Variants in SP140L observed in about 807,000 individuals in gnomAD.
The protein encoded by SP140L is nuclear body protein SP140-like protein.
SP140L carries 64 observed loss-of-function variants against 84.3 expected under a neutral mutation model. The observed-to-expected ratio is 0.76, with a 90% CI of 0.62 to 0.94. SP140L has a LOEUF of 0.94. SP140L is among the 40% of genes least tolerant of loss of function. SP140L has a pLI of 0.00. For missense variants in SP140L, 628 were observed against 692.5 expected, an observed-to-expected ratio of 0.91 and a Z score of 1.05; for synonymous variants, 242 against 236.9, an observed-to-expected ratio of 1.02 and a Z score of -0.20.
intron 5 of SP140L, among the ~76,000 whole-genome samples, chr2:230,365,933 A>T (rs1037226452): frequency 3.3e-5 from 5 of 152,170 alleles, no homozygotes; most frequent in Non-Finnish European, 7.4e-5. Context: ...TTACAAAATT[A>T]AAAAACTCTT....
chr2:230,339,230 T>G (rs988295539), intron 2 of SP140L, among the ~76,000 whole-genome samples: 1 of 151,986 alleles, frequency 6.6e-6, no homozygotes, highest in South Asian at 2.1e-4. Context: ...CTCGGGAGAG[T>G]GTATGTGTCC....
chr2:230,327,414 T>C, intron 1 of SP140L, 113 bp downstream of exon 1: 1 of 1,203,746 alleles, frequency 8.3e-7, no homozygotes, highest in South Asian at 1.4e-5. Context: ...TGCAAGAACA[T>C]AGGTAGGTAG....
At chr2:230,399,869 C>T in intron 14 of SP140L, 1 of 336,794 alleles carries the variant, frequency 3.0e-6, no homozygotes, top group Non-Finnish European at 5.5e-6. Context: ...TGCTTTGTTG[C>T]TAGGCTTTCT....
At chr2:230,341,397 A>AT (rs1017279023) in intron 2 of SP140L, among the ~76,000 whole-genome samples, 1 of 90,516 alleles carries the variant, frequency 1.1e-5, no homozygotes, top group Non-Finnish European at 2.0e-5. Flanking sequence ...ATTCTTCTAA[A>AT]TTTTTTTCAA....
intron 10 of SP140L, 71 bp downstream of exon 10, chr2:230,388,704 C>G: frequency 8.0e-7 from 1 of 1,257,154 alleles, no homozygotes; most frequent in Non-Finnish European, 1.1e-6. Context: ...GCTGTATTTT[C>G]AGTAATAAAC....
intron 5 of SP140L, among the ~76,000 whole-genome samples, chr2:230,365,014 G>C (rs1334020219): frequency 6.6e-6 from 1 of 151,944 alleles, no homozygotes; most frequent in Non-Finnish European, 1.5e-5. Context: ...GTGTGCTGTT[G>C]AATTTGATTT....
chr2:230,348,865 C>T (rs144199893), intron 2 of SP140L, among the ~76,000 whole-genome samples: 182 of 152,292 alleles, frequency 1.2e-3, no homozygotes, highest in African/African-American at 4.2e-3. Flanking sequence ...AAGATTACTA[C>T]ATAATTTGGG....
chr2:230,384,943 A>G (rs986344746), intron 8 of SP140L, among the ~76,000 whole-genome samples: 3 of 152,150 alleles, frequency 2.0e-5, no homozygotes, highest in Non-Finnish European at 4.4e-5. Context: ...AAAAAACAAG[A>G]ATGGGTGTTT....
chr2:230,350,842 G>A (rs1468278138), intron 2 of SP140L, among the ~76,000 whole-genome samples: 1 of 152,218 alleles, frequency 6.6e-6, no homozygotes, highest in Middle Eastern at 3.4e-3. Context: ...AAGAGACAAG[G>A]AAATTAGTTC....
intron 4 of SP140L, 33 bp downstream of exon 4, chr2:230,359,165 CG>C (rs2060639283): frequency 6.3e-7 from 1 of 1,590,356 alleles, no homozygotes; most frequent in Non-Finnish European, 8.6e-7. Flanking sequence ...TTTTGATTTC[CG>C]GGGCCAATTT....
At chr2:230,336,572 TA>T (rs1469290438) in intron 2 of SP140L, among the ~76,000 whole-genome samples, 3 of 152,240 alleles carry the variant, frequency 2.0e-5, no homozygotes, top group African/African-American at 7.2e-5. Context: ...AAATGTCAGA[TA>T]TTTTTTAATG....
chr2:230,358,241 TAATG>T (rs1355300176), intron 3 of SP140L, among the ~76,000 whole-genome samples: 1 of 152,236 alleles, frequency 6.6e-6, no homozygotes, highest in East Asian at 1.9e-4. Context: ...AAAATAATTT[TAATG>T]AATTGATTTA....
chr2:230,327,260 G>C lies in SP140L; in HGVS notation c.-10G>C, dbSNP rs765123530. Reference sequence around the variant, plus strand: ...GGCTCTGACACCCAGGCAGGGCCTAGGGTGGGACGATGGCAGGTGGGGGCA... The same window carrying C: ...GGCTCTGACACCCAGGCAGGGCCTACGGTGGGACGATGGCAGGTGGGGGCA... On this transcript the variant is annotated 5_prime_UTR_variant, in exon 1 of 19. Transcript: ENST00000415673. The C allele has an allele frequency of 6.2e-7, 1 of 1,610,310 alleles. No homozygotes were observed. The highest frequency in any genetic ancestry group is 8.5e-7 in the Non-Finnish European group (1 of 1,178,286).
intron 8 of SP140L, among the ~76,000 whole-genome samples, chr2:230,384,482 G>C (rs1229338079): frequency 6.6e-6 from 1 of 152,170 alleles, no homozygotes; most frequent in Non-Finnish European, 1.5e-5. Context: ...AGATTTTAGA[G>C]TCCTATTGAA....
chr2:230,400,609 A>G, intron 15 of SP140L: 1 of 502,192 alleles, frequency 2.0e-6, no homozygotes, highest in Non-Finnish European at 3.6e-6. Flanking sequence ...GCACGGTCTT[A>G]GGCGGATGGA....
intron 2 of SP140L, among the ~76,000 whole-genome samples, chr2:230,355,752 G>A (rs561051143): frequency 2.2e-4 from 33 of 152,108 alleles, no homozygotes; most frequent in East Asian, 7.7e-4. Flanking sequence ...GAATATTTTC[G>A]TGACCTTGGA....
chr2:230,356,425 A>G (rs2060549025), intron 2 of SP140L, among the ~76,000 whole-genome samples: 1 of 152,328 alleles, frequency 6.6e-6, no homozygotes, highest in East Asian at 1.9e-4. Context: ...AAAAATGAAC[A>G]AACTAACTGT....
chr2:230,356,290 G>A (rs1575469173), intron 2 of SP140L, among the ~76,000 whole-genome samples: 1 of 152,216 alleles, frequency 6.6e-6, no homozygotes, highest in Non-Finnish European at 1.5e-5. Context: ...GCCACAAAAA[G>A]ACTTGCACAA....
chr2:230,356,122 C>T (rs2060537660), intron 2 of SP140L, among the ~76,000 whole-genome samples: 1 of 152,184 alleles, frequency 6.6e-6, no homozygotes, highest in Admixed American at 6.5e-5. Flanking sequence ...AATTAGCTAT[C>T]ACATCGTACA....
Sources: allele counts gnomAD v4.1 joint callset (sites outside exome capture counted in the v4.1 genomes callset), GRCh38; gene constraint gnomAD v4.1.1; transcripts MANE v1.5; gene names NCBI Gene and HGNC (gene_info 2026-07-23, HGNC 2026-07-21).